The following DGKG variants were observed in gnomAD, a reference collection of about 807,000 sequenced individuals.
DGKG encodes diacylglycerol kinase gamma.
Under a neutral mutation model 105.3 loss-of-function variants are expected in DGKG, and 78 were observed. The observed-to-expected ratio is 0.74, with a 90% CI of 0.62 to 0.89. The LOEUF (loss-of-function observed/expected upper bound fraction) is 0.89. Ranked by LOEUF, DGKG falls within the 40% of genes least tolerant of loss-of-function variation. The probability of loss-of-function intolerance (pLI) is 0.00; values close to 1 mark genes in which losing one functional copy is unlikely to be tolerated. For missense variants in DGKG, 958 were observed against 1,020.1 expected (o/e 0.94, Z 0.83); for synonymous variants, 346 against 367.1 (o/e 0.94, Z 0.66).
At chr3:186,296,023 A>G (rs1723541967) in intron 5 of DGKG, among the ~76,000 whole-genome samples, 1 of 151,798 alleles carries the variant, frequency 6.6e-6, no homozygotes, top group African/African-American at 2.4e-5. Context: ...GCACAAGAAT[A>G]GCTTGAACCT....
chr3:186,197,044 TG>T (rs1485658336), intron 21 of DGKG, among the ~76,000 whole-genome samples: 1 of 151,972 alleles, frequency 6.6e-6, no homozygotes, highest in African/African-American at 2.4e-5. Context: ...ATGCCTAGGA[TG>T]GGAAGTAGAT....
At chr3:186,319,785 C>T (rs1724994467) in intron 2 of DGKG, among the ~76,000 whole-genome samples, 1 of 152,192 alleles carries the variant, frequency 6.6e-6, no homozygotes, top group African/African-American at 2.4e-5. Context: ...GTGTCTTGCA[C>T]TGAATTGGTT....
At chr3:186,287,097 A>G (rs921353865) in intron 6 of DGKG, among the ~76,000 whole-genome samples, 1 of 152,062 alleles carries the variant, frequency 6.6e-6, no homozygotes, top group Non-Finnish European at 1.5e-5. Flanking sequence ...AGGGATCCAA[A>G]AGATTAAAAG....
At chr3:186,168,660 A>AAC (rs1019193659) in intron 22 of DGKG, among the ~76,000 whole-genome samples, 1 of 152,174 alleles carries the variant, frequency 6.6e-6, no homozygotes, top group Non-Finnish European at 1.5e-5. Flanking sequence ...CAGCCTGGCC[A>AAC]ACACGGTGAA....
chr3:186,245,753 T>G (rs188161431), intron 19 of DGKG, among the ~76,000 whole-genome samples: 2 of 152,140 alleles, frequency 1.3e-5, no homozygotes, highest in South Asian at 4.2e-4. Flanking sequence ...ACAAAGAAAT[T>G]TGGGCCCCTT....
At chr3:186,208,988 C>T (rs952028900) in intron 21 of DGKG, among the ~76,000 whole-genome samples, 1 of 151,954 alleles carries the variant, frequency 6.6e-6, no homozygotes, top group Non-Finnish European at 1.5e-5. Flanking sequence ...ATAATAGTTG[C>T]CTTGCTGCGT....
intron 20 of DGKG, among the ~76,000 whole-genome samples, chr3:186,233,763 G>A (rs1249096597): frequency 1.3e-5 from 2 of 152,230 alleles, no homozygotes; most frequent in African/African-American, 2.4e-5. Flanking sequence ...GATTACAGGC[G>A]TGAGCCACCA....
rs371990651 is a variant in DGKG, at chr3:186,288,884, C to T, written c.374-4G>A. ...TGCTTCTCAGCCATATTTGATTCTG[C>T]GATGAACAAAAGGAAAACATCCAAG... On this transcript the variant is annotated splice_region_variant and splice_polypyrimidine_tract_variant and intron_variant, in intron 5 of 24. Coordinates refer to ENST00000265022, the MANE Select transcript of DGKG (RefSeq NM_001346.3). 90 of 1,545,196 alleles carry T rather than the reference C, an allele frequency of 5.8e-5. No homozygotes were observed. Among genetic ancestry groups the T allele is most frequent in the Middle Eastern group, 3.5e-4 (2 of 5,744 alleles).
At chr3:186,259,076 C>A (rs549240777) in intron 16 of DGKG, among the ~76,000 whole-genome samples, 1 of 152,246 alleles carries the variant, frequency 6.6e-6, no homozygotes, top group Non-Finnish European at 1.5e-5. Context: ...AATTAACATT[C>A]CTTCTCTTGC....
intron 17 of DGKG, among the ~76,000 whole-genome samples, chr3:186,254,571 G>A (rs539430975): frequency 1.6e-4 from 25 of 152,092 alleles, no homozygotes; most frequent in Non-Finnish European, 2.4e-4. Context: ...GCTGTATGCC[G>A]CCCTAGGTTT....
At chr3:186,184,098 T>C (rs75554022) in intron 22 of DGKG, among the ~76,000 whole-genome samples, 2,193 of 150,944 alleles carry the variant, frequency 0.015, 59 homozygotes, top group African/African-American at 0.052. Flanking sequence ...CAACACAAAA[T>C]AGAATTATAG....
chr3:186,353,656 G>GTCTATATCTATA (rs200198956), intron 1 of DGKG, among the ~76,000 whole-genome samples: 30,325 of 115,850 alleles, frequency 0.26, 4,299 homozygotes, highest in Admixed American at 0.35. Context: ...CTATGTCTAT[G>GTCTATATCTATA]TCTATATCTA....
intron 21 of DGKG, among the ~76,000 whole-genome samples, chr3:186,200,325 T>C (rs149745666): frequency 9.1e-4 from 139 of 152,318 alleles, no homozygotes; most frequent in Non-Finnish European, 1.8e-3. Flanking sequence ...ACACTTATTG[T>C]GCACTGATTT....
intron 13 of DGKG, among the ~76,000 whole-genome samples, chr3:186,266,173 C>T (rs1722046680): frequency 6.6e-6 from 1 of 152,192 alleles, no homozygotes; most frequent in Admixed American, 6.5e-5. Context: ...CCTGTTGTGA[C>T]TCCTGATACC....
chr3:186,188,764 CTAACAAATGACAGAAAATTCAGAACA>C (rs1442851423), intron 21 of DGKG, among the ~76,000 whole-genome samples: 3 of 152,054 alleles, frequency 2.0e-5, no homozygotes, highest in Non-Finnish European at 4.4e-5. Context: ...AATTCAGAAC[CTAACAAATGACAGAAAATTCAGAACA>C]TAACAAATGA....
intron 1 of DGKG, among the ~76,000 whole-genome samples, chr3:186,354,553 GT>G (rs1726815565): frequency 6.6e-6 from 1 of 152,202 alleles, no homozygotes; most frequent in African/African-American, 2.4e-5. Flanking sequence ...TGGCCATTGA[GT>G]TTTTCTCTTC....
chr3:186,285,229 T>A (rs902774095), intron 6 of DGKG, among the ~76,000 whole-genome samples: 3 of 152,240 alleles, frequency 2.0e-5, no homozygotes, highest in African/African-American at 7.2e-5. Context: ...AAGATTAATG[T>A]GTAACTGATA....
intron 20 of DGKG, among the ~76,000 whole-genome samples, chr3:186,220,317 A>G (rs1719501334): frequency 2.0e-5 from 3 of 152,074 alleles, no homozygotes; most frequent in Non-Finnish European, 4.4e-5. Flanking sequence ...TAAAATTACT[A>G]CTCTATACCA....
At position 186,204,365 on chromosome 3, in the gene DGKG, C is replaced by T. The variant is rs147896009; in HGVS notation, c.1917+7430G>A. Among the ~76,000 whole-genome samples, 1,043 of 152,202 alleles carry T rather than the reference C, an allele frequency of 6.9e-3. 11 individuals carry two copies. The highest frequency in any genetic ancestry group is 0.024 in the African/African-American group (1,015 of 41,502). ...AGGTTGCAGTAAGCTGAGATCGCGC[C>T]ACTGCACTCCATCCTGGGTGACAGA... On this transcript the variant is annotated intron_variant, in intron 21 of 24. Transcript: ENST00000265022.
Sources: gnomAD v4.1 joint callset for allele counts (sites outside exome capture counted in the v4.1 genomes callset) on GRCh38, gnomAD v4.1.1 for gene constraint, MANE v1.5 for transcripts, NCBI Gene and HGNC (gene_info 2026-07-23, HGNC 2026-07-21) for gene names.